EFCAB5: variants seen among roughly 807,000 people sequenced by gnomAD.
EFCAB5 encodes EF-hand calcium-binding domain-containing protein 5.
Under a neutral mutation model 167.9 loss-of-function variants are expected in EFCAB5, and 131 were observed. That is an observed-to-expected ratio of 0.78 (90% confidence interval 0.68 to 0.90). EFCAB5 has a LOEUF of 0.90. Among genes scored for constraint, EFCAB5 ranks in the 40% least tolerant of loss-of-function variants. The probability of loss-of-function intolerance (pLI) is 0.00; values close to 1 mark genes in which losing one functional copy is unlikely to be tolerated. For synonymous variants in EFCAB5, 574 were observed against 602.8 expected (o/e 0.95, Z 0.70); for missense variants, 1,663 against 1,745.2 (o/e 0.95, Z 0.84).
At chr17:30,030,966 C>T (rs1334136257) in intron 7 of EFCAB5, among the ~76,000 whole-genome samples, 1 of 152,146 alleles carries the variant, frequency 6.6e-6, no homozygotes, top group African/African-American at 2.4e-5. Flanking sequence ...GCTCATATGG[C>T]TTTGAAGTCA....
Position 29,969,125 on chromosome 17 carries a change from T to C in EFCAB5, c.525T>C (p.Leu175=). ...SMTLNNTAYL[L]DKLLPTLVPG... ...CACTGAATAATACTGCATATTTGCT[T>C]GACAAACTTCTACCCACCTTAGTTC... The change falls in exon 4 of 23, where the codon CTT becomes CTC. Residue 175 remains leucine (L), a synonymous_variant. Transcript: ENST00000394835. 1 of 1,613,884 alleles carries C rather than the reference T, an allele frequency of 6.2e-7. No homozygotes were observed. The highest frequency in any genetic ancestry group is 8.5e-7 in the Non-Finnish European group (1 of 1,179,830).
At chr17:30,000,659 G>A (rs2068642351) in intron 7 of EFCAB5, among the ~76,000 whole-genome samples, 2 of 152,208 alleles carry the variant, frequency 1.3e-5, no homozygotes, top group South Asian at 4.1e-4. Flanking sequence ...ACCTTTGCAC[G>A]ATTGAAGGTG....
intron 7 of EFCAB5, among the ~76,000 whole-genome samples, chr17:30,024,119 C>T (rs1417735764): frequency 6.6e-6 from 1 of 152,072 alleles, no homozygotes; most frequent in African/African-American, 2.4e-5. Flanking sequence ...TGAAAACTGG[C>T]ATAAGACAGG....
intron 14 of EFCAB5, 179 bp downstream of exon 14, chr17:30,059,880 G>C: frequency 5.1e-6 from 2 of 394,626 alleles, no homozygotes; most frequent in Non-Finnish European, 8.1e-6. Flanking sequence ...AGAGATAGGA[G>C]TCTCACTGTG....
chr17:29,994,154 ATATATATATATATATATATATATG>A (rs2068491024), intron 5 of EFCAB5, among the ~76,000 whole-genome samples: 1 of 132,122 alleles, frequency 7.6e-6, no homozygotes, highest in South Asian at 2.3e-4. Context: ...ATATATATAT[ATATATATATATATATATATATATG>A]TGATATATAT....
intron 8 of EFCAB5, among the ~76,000 whole-genome samples, chr17:30,044,704 C>T (rs904925077): frequency 3.3e-5 from 5 of 152,148 alleles, no homozygotes; most frequent in Non-Finnish European, 7.3e-5. Flanking sequence ...ACAACCACTT[C>T]AAAAACAGTT....
chr17:30,018,291 GA>G (rs954083038), intron 7 of EFCAB5, among the ~76,000 whole-genome samples: 2 of 151,708 alleles, frequency 1.3e-5, no homozygotes, highest in African/African-American at 4.8e-5. Context: ...TGGAAAAAAA[GA>G]AAACAGAAAA....
intron 7 of EFCAB5, among the ~76,000 whole-genome samples, chr17:30,006,359 C>T (rs1212417296): frequency 6.6e-6 from 1 of 152,030 alleles, no homozygotes; most frequent in African/African-American, 2.4e-5. Flanking sequence ...TGCTCCCATG[C>T]TTAGAAGATT....
intron 3 of EFCAB5, among the ~76,000 whole-genome samples, chr17:29,959,425 C>T (rs750546903): frequency 6.6e-6 from 1 of 151,882 alleles, no homozygotes; most frequent in Non-Finnish European, 1.5e-5. Flanking sequence ...TCCATGACCA[C>T]CACAGCTGGG....
chr17:30,046,180 T>A (rs897202628), intron 8 of EFCAB5, among the ~76,000 whole-genome samples: 24 of 152,262 alleles, frequency 1.6e-4, no homozygotes, highest in African/African-American at 5.8e-4. Context: ...TGTCTTTATC[T>A]GAGTGGCAAA....
chr17:30,052,205 C>A (rs2070119953), intron 9 of EFCAB5, among the ~76,000 whole-genome samples: 1 of 152,122 alleles, frequency 6.6e-6, no homozygotes, highest in African/African-American at 2.4e-5. Context: ...CGCTCTGTTG[C>A]CGAGGCTGGA....
At chr17:30,027,705 T>C (rs1432319419) in intron 7 of EFCAB5, among the ~76,000 whole-genome samples, 1 of 151,960 alleles carries the variant, frequency 6.6e-6, no homozygotes, top group Non-Finnish European at 1.5e-5. Flanking sequence ...TAAAACCAGG[T>C]TTTTGGTTCC....
upstream of EFCAB5, among the ~76,000 whole-genome samples, chr17:29,940,962 C>T (rs1317870892): frequency 6.6e-6 from 1 of 151,884 alleles, no homozygotes; most frequent in Non-Finnish European, 1.5e-5. Flanking sequence ...ATCACTTGAA[C>T]CCAGGAGGCG....
At chr17:30,096,652 C>CATATATATATATAT (rs200424980) in intron 22 of EFCAB5, among the ~76,000 whole-genome samples, 5 of 93,566 alleles carry the variant, frequency 5.3e-5, no homozygotes, top group African/African-American at 2.3e-4. Flanking sequence ...ATCCTGAAAG[C>CATATATATATATAT]ATATATATAT....
rs767947906 is a variant in EFCAB5 at position 30,057,090 on chromosome 17, T to C, written c.2366-586T>C. On this transcript the variant is annotated intron_variant, in intron 12 of 22. Coordinates refer to ENST00000394835, the MANE Select transcript of EFCAB5 (RefSeq NM_198529.4). ...AGGTAAATATATTAGCCAAGGCTTT[T>C]GGAAGAAGGAGTTGTGGTGGTGGTA... Among the ~76,000 whole-genome samples, 10 of 152,324 alleles carry C rather than the reference T, an allele frequency of 6.6e-5. No individual in the cohort carries two copies. In the East Asian group the frequency reaches 9.6e-4, roughly 15 times the overall value.
Position 29,992,845 on chromosome 17 carries a change from A to G in EFCAB5, c.768-320A>G, listed in dbSNP as rs577979984. Among the ~76,000 whole-genome samples, 19 of 152,328 alleles carry G rather than the reference A, an allele frequency of 1.2e-4. No individual in the cohort carries two copies. In the East Asian group the frequency reaches 3.5e-3, roughly 28 times the overall value. Reference sequence around the variant, plus strand: ...TGGATCATGTAGTAATTCTGTTTTTAGTTTTTTGAGGAACCTCCCTACCAT... The same window carrying G: ...TGGATCATGTAGTAATTCTGTTTTTGGTTTTTTGAGGAACCTCCCTACCAT... On this transcript the variant is annotated intron_variant, in intron 4 of 22. Transcript: ENST00000394835.
In EFCAB5 at chr17:29,969,308, G is replaced by A; in HGVS notation, c.708G>A (p.Arg236=). 6.2e-7 allele frequency: 1 copy of A among 1,611,884 alleles called. No individual in the cohort carries two copies. Among genetic ancestry groups the A allele is most frequent in the Middle Eastern group, 1.7e-4 (1 of 6,042 alleles). The change falls in exon 4 of 23, where the codon AGG becomes AGA. Residue 236 remains arginine (R), a synonymous_variant. Coordinates refer to ENST00000394835, the MANE Select transcript of EFCAB5 (RefSeq NM_198529.4). ...ACCCAGGAATGTCTGGTTACCAGAG[G>A]TTGATGAAAGAAGTCACAGAAGACC... The part of the protein sequence containing the change: ...IKDPGMSGYQ[R]LMKEVTEDLK...
chr17:30,082,849 A>G, intron 17 of EFCAB5, 42 bp from the exon 18 acceptor site: 1 of 1,548,018 alleles, frequency 6.5e-7, no homozygotes, highest in Non-Finnish European at 8.7e-7. Context: ...TTATTTTTCT[A>G]TTTTAAAAAG....
chr17:30,092,278 C>A, intron 21 of EFCAB5, 121 bp downstream of exon 21: 2 of 1,025,094 alleles, frequency 2.0e-6, no homozygotes, highest in Non-Finnish European at 2.8e-6. Context: ...CTGAGTGGAA[C>A]ACGTTCACGT....
Sources: gnomAD v4.1 joint callset for allele counts (sites outside exome capture counted in the v4.1 genomes callset) on GRCh38, gnomAD v4.1.1 for gene constraint, MANE v1.5 for transcripts, NCBI Gene and HGNC (gene_info 2026-07-23, HGNC 2026-07-21) for gene names.